Variants in AGBL4 observed in about 807,000 individuals in gnomAD.
AGBL4 encodes cytosolic carboxypeptidase 6.
Under a neutral mutation model 66.4 loss-of-function variants are expected in AGBL4, and 58 were observed. The observed-to-expected ratio is 0.87, with a 90% CI of 0.71 to 1.09. The LOEUF (loss-of-function observed/expected upper bound fraction) is 1.09. Among genes scored for constraint, AGBL4 ranks in the 50% least tolerant of loss-of-function variants. The pLI, the probability that AGBL4 is intolerant of heterozygous loss-of-function variation, is 0.00. For synonymous variants in AGBL4, 234 were observed against 222.9 expected, an observed-to-expected ratio of 1.05 and a Z score of -0.44; for missense variants, 579 against 631.0, an observed-to-expected ratio of 0.92 and a Z score of 0.88.
At chr1:49,441,970 G>A (rs1646042539) in intron 3 of AGBL4, among the ~76,000 whole-genome samples, 1 of 152,166 alleles carries the variant, frequency 6.6e-6, no homozygotes, top group Non-Finnish European at 1.5e-5. Context: ...GGCAACTGCT[G>A]AGTGCCCAAT....
At chr1:48,657,189 A>G (rs1340876151) in intron 7 of AGBL4, among the ~76,000 whole-genome samples, 1 of 152,158 alleles carries the variant, frequency 6.6e-6, no homozygotes, top group African/African-American at 2.4e-5. Context: ...GTTCCTCATC[A>G]ATTACAAAGG....
chr1:49,105,429 T>C (rs986167250), intron 4 of AGBL4, among the ~76,000 whole-genome samples: 4 of 152,082 alleles, frequency 2.6e-5, no homozygotes, highest in Admixed American at 2.0e-4. Context: ...CTGGGGAAAG[T>C]GTGTTACAGA....
At chr1:48,631,088 C>T (rs1557840611) in intron 9 of AGBL4, among the ~76,000 whole-genome samples, 1 of 152,206 alleles carries the variant, frequency 6.6e-6, no homozygotes, top group African/African-American at 2.4e-5. Flanking sequence ...TGCTGATTCT[C>T]TGCTTGTTGA....
In AGBL4 at chr1:49,293,967, G is replaced by C. The variant is rs1174800929; in HGVS notation, c.283-48103C>G. On this transcript the variant is annotated intron_variant, in intron 3 of 13. Coordinates refer to ENST00000371839, the MANE Select transcript of AGBL4 (RefSeq NM_032785.4). The stretch of plus-strand genomic sequence containing the variant: ...GCAGATATGATTTTTCAGCTCTGGA[G>C]CAGAACTAAATCTAAATGTCAACTG... 4.6e-5 allele frequency among the ~76,000 whole-genome samples: 7 copies of C among 152,164 alleles called. No homozygotes were observed. In the South Asian group the frequency reaches 1.4e-3, roughly 32 times the overall value.
intron 2 of AGBL4, among the ~76,000 whole-genome samples, chr1:49,817,031 T>C (rs774650664): frequency 3.3e-5 from 5 of 152,200 alleles, no homozygotes; most frequent in Non-Finnish European, 7.3e-5. Context: ...TCTTAGAGAA[T>C]CTCTCCTACC....
intron 2 of AGBL4, among the ~76,000 whole-genome samples, chr1:49,809,592 A>T (rs1366326400): frequency 6.6e-6 from 1 of 152,176 alleles, no homozygotes; most frequent in Non-Finnish European, 1.5e-5. Context: ...CTGCTGTACA[A>T]CATTATATCT....
At chr1:49,174,652 C>T (rs1195514349) in intron 4 of AGBL4, among the ~76,000 whole-genome samples, 3 of 152,048 alleles carry the variant, frequency 2.0e-5, no homozygotes. Context: ...TACTCTGTTT[C>T]TGGGAAGGAA....
intron 3 of AGBL4, among the ~76,000 whole-genome samples, chr1:49,443,620 T>C (rs1022366838): frequency 6.6e-6 from 1 of 151,954 alleles, no homozygotes; most frequent in Admixed American, 6.6e-5. Context: ...TCCATTGATC[T>C]ATGTGCCTAT....
intron 1 of AGBL4, among the ~76,000 whole-genome samples, chr1:49,986,145 A>C (rs1261387730): frequency 6.6e-6 from 1 of 152,078 alleles, no homozygotes; most frequent in African/African-American, 2.4e-5. Context: ...CACAGTGAAC[A>C]CATTTATATA....
intron 3 of AGBL4, among the ~76,000 whole-genome samples, chr1:49,636,419 C>G (rs1016212217): frequency 6.6e-6 from 1 of 152,132 alleles, no homozygotes; most frequent in South Asian, 2.1e-4. Context: ...CCCAAATTAC[C>G]TCTGAAAGAC....
chr1:49,540,818 C>T (rs1330118439), intron 3 of AGBL4, among the ~76,000 whole-genome samples: 1 of 152,092 alleles, frequency 6.6e-6, no homozygotes, highest in Non-Finnish European at 1.5e-5. Context: ...CCTTGCATAA[C>T]ATTAAGCTAA....
intron 3 of AGBL4, among the ~76,000 whole-genome samples, chr1:49,675,421 T>G (rs1646560276): frequency 6.6e-6 from 1 of 151,606 alleles, no homozygotes; most frequent in Admixed American, 6.6e-5. Flanking sequence ...ACTCCAAAAG[T>G]GAGGAGGGTG....
chr1:49,160,826 T>C (rs1413036131), intron 4 of AGBL4, among the ~76,000 whole-genome samples: 1 of 152,156 alleles, frequency 6.6e-6, no homozygotes, highest in Admixed American at 6.5e-5. Context: ...CAATTCGAAC[T>C]TCCAGGTGGC....
intron 6 of AGBL4, among the ~76,000 whole-genome samples, chr1:48,732,698 T>C (rs1357189500): frequency 6.6e-6 from 1 of 151,984 alleles, no homozygotes; most frequent in Non-Finnish European, 1.5e-5. Flanking sequence ...TGGTATAAGA[T>C]GAGGTCAGAG....
intron 4 of AGBL4, among the ~76,000 whole-genome samples, chr1:49,223,240 G>C (rs747999134): frequency 1.1e-4 from 16 of 152,118 alleles, no homozygotes; most frequent in Non-Finnish European, 2.2e-4. Flanking sequence ...TACCAAGATG[G>C]TAAGAGAAAG....
At chr1:49,977,882 G>A (rs1345489080) in intron 1 of AGBL4, among the ~76,000 whole-genome samples, 1 of 152,118 alleles carries the variant, frequency 6.6e-6, no homozygotes, top group Non-Finnish European at 1.5e-5. Context: ...CTGCTGCCTA[G>A]CCATTATCTT....
intron 1 of AGBL4, among the ~76,000 whole-genome samples, chr1:49,867,523 T>C (rs1646734096): frequency 8.2e-6 from 1 of 121,916 alleles, no homozygotes; most frequent in Non-Finnish European, 1.6e-5. Context: ...CGGTGTGTAA[T>C]GTTCCCCTTC....
intron 1 of AGBL4, among the ~76,000 whole-genome samples, chr1:49,904,666 T>C (rs1048843535): frequency 2.0e-5 from 3 of 152,196 alleles, no homozygotes; most frequent in African/African-American, 4.8e-5. Flanking sequence ...AAATCATATG[T>C]TCTATTTCTG....
At chr1:49,502,487 T>A (rs1284051502) in intron 3 of AGBL4, among the ~76,000 whole-genome samples, 1 of 151,904 alleles carries the variant, frequency 6.6e-6, no homozygotes, top group Non-Finnish European at 1.5e-5. Context: ...CAGGCAGAAG[T>A]TGAAAGAGTT....
Sources: allele counts gnomAD v4.1 joint callset (sites outside exome capture counted in the v4.1 genomes callset), GRCh38; gene constraint gnomAD v4.1.1; transcripts MANE v1.5; gene names NCBI Gene and HGNC (gene_info 2026-07-23, HGNC 2026-07-21).